ASIC2: variants seen among roughly 807,000 people sequenced by gnomAD.
ASIC2 encodes the protein acid sensing ion channel subunit 2, also known as acid-sensing ion channel 2.
In ASIC2, 25 loss-of-function variants were observed where a neutral mutation model predicts 57.3. The observed-to-expected ratio is 0.44, with a 90% CI of 0.32 to 0.61. The LOEUF (loss-of-function observed/expected upper bound fraction) is 0.61, where lower values mean the gene tolerates loss of function less well. Among genes scored for constraint, ASIC2 ranks in the 20% least tolerant of loss-of-function variants. The pLI, the probability that ASIC2 is intolerant of heterozygous loss-of-function variation, is 0.06. For synonymous variants in ASIC2, 319 were observed against 307.5 expected, an observed-to-expected ratio of 1.04 and a Z score of -0.39; for missense variants, 641 against 738.1, an observed-to-expected ratio of 0.87 and a Z score of 1.52.
At chr17:33,178,796 T>G (rs1905864212) in intron 1 of ASIC2, among the ~76,000 whole-genome samples, 1 of 152,198 alleles carries the variant, frequency 6.6e-6, no homozygotes, top group African/African-American at 2.4e-5. Context: ...GCTCTGTGTG[T>G]GCACTCATAC....
chr17:33,018,125 C>T (rs890885703), intron 7 of ASIC2, among the ~76,000 whole-genome samples: 26 of 152,280 alleles, frequency 1.7e-4, no homozygotes, highest in African/African-American at 3.8e-4. Context: ...TTCAGGGCCA[C>T]CTTAGGGCAC....
Position 33,844,990 on chromosome 17 carries a change from A to C in ASIC2, c.555+310988T>G, listed in dbSNP as rs113380164. On this transcript the variant is annotated intron_variant, in intron 1 of 9. Coordinates refer to the ASIC2 transcript ENST00000359872. Reference sequence around the variant, plus strand: ...CATGTAGCCAATGTACAGTGAGGCCATGATTCAGAACCACATACTTTGACT... The same window carrying C: ...CATGTAGCCAATGTACAGTGAGGCCCTGATTCAGAACCACATACTTTGACT... Among the ~76,000 whole-genome samples, 1,046 of 152,372 alleles carry C rather than the reference A, an allele frequency of 6.9e-3. 12 individuals are homozygous for C. Among genetic ancestry groups the C allele is most frequent in the Middle Eastern group, 0.034 (10 of 294 alleles).
At chr17:34,127,416 T>C (rs372984937) in intron 1 of ASIC2, among the ~76,000 whole-genome samples, 4 of 152,222 alleles carry the variant, frequency 2.6e-5, no homozygotes, top group African/African-American at 9.6e-5. Context: ...CTAGAATTTG[T>C]TCTGAGTCCG....
At chr17:33,555,648 T>C (rs1915885765) in intron 1 of ASIC2, among the ~76,000 whole-genome samples, 1 of 152,108 alleles carries the variant, frequency 6.6e-6, no homozygotes, top group African/African-American at 2.4e-5. Flanking sequence ...GTCATAAACC[T>C]ATGAAAGGAT....
intron 1 of ASIC2, among the ~76,000 whole-genome samples, chr17:33,162,080 C>A (rs7212519): frequency 0.26 from 39,381 of 151,816 alleles, 5,243 homozygotes; most frequent in East Asian, 0.4. Flanking sequence ...GACCACCTGA[C>A]GTGACTCTTT....
At chr17:34,082,622 C>T (rs891366217) in intron 1 of ASIC2, among the ~76,000 whole-genome samples, 1 of 152,196 alleles carries the variant, frequency 6.6e-6, no homozygotes, top group African/African-American at 2.4e-5. Flanking sequence ...TGTCCCCGCC[C>T]CCTGGCAACA....
chr17:33,554,358 A>ATG (rs71144888), intron 1 of ASIC2, among the ~76,000 whole-genome samples: 17,231 of 150,156 alleles, frequency 0.11, 1,078 homozygotes, highest in African/African-American at 0.16. Context: ...CACTGCTTAT[A>ATG]TGTGTGTGTG....
At chr17:34,134,903 C>T (rs1912086436) in intron 1 of ASIC2, among the ~76,000 whole-genome samples, 1 of 152,156 alleles carries the variant, frequency 6.6e-6, no homozygotes, top group Non-Finnish European at 1.5e-5. Flanking sequence ...TCCTTGGGCC[C>T]CTTCAGTTCA....
At chr17:33,787,771 G>A (rs192099086) in intron 1 of ASIC2, among the ~76,000 whole-genome samples, 302 of 152,274 alleles carry the variant, frequency 2.0e-3, no homozygotes, top group African/African-American at 6.3e-3. Context: ...GGGTCTGTGT[G>A]CCCATCCAAA....
At chr17:33,815,857 C>G (rs1404664364) in intron 1 of ASIC2, among the ~76,000 whole-genome samples, 1 of 152,058 alleles carries the variant, frequency 6.6e-6, no homozygotes, top group Non-Finnish European at 1.5e-5. Flanking sequence ...GGAAGTGATA[C>G]CGGTTATTTT....
chr17:33,295,347 A>G (rs151084827), upstream of ASIC2, among the ~76,000 whole-genome samples: 281 of 152,322 alleles, frequency 1.8e-3, 2 homozygotes, highest in Middle Eastern at 3.4e-3. Flanking sequence ...GACTCCAAGC[A>G]ATGATTGATG....
chr17:33,105,327 G>C (rs1597580005), intron 2 of ASIC2, among the ~76,000 whole-genome samples: 1 of 152,120 alleles, frequency 6.6e-6, no homozygotes, highest in South Asian at 2.1e-4. Context: ...TTTCATGAAG[G>C]GGAGTTCCCC....
chr17:33,480,014 C>T (rs898964898), intron 1 of ASIC2, among the ~76,000 whole-genome samples: 6 of 152,302 alleles, frequency 3.9e-5, no homozygotes, highest in African/African-American at 7.2e-5. Context: ...CAGAAATCTC[C>T]GGGTTCTAAA....
intron 1 of ASIC2, among the ~76,000 whole-genome samples, chr17:33,462,047 C>T (rs530504007): frequency 6.0e-4 from 91 of 152,238 alleles, no homozygotes; most frequent in African/African-American, 1.9e-3. Context: ...AGAGAGACCG[C>T]GTATTTCATG....
intron 1 of ASIC2, among the ~76,000 whole-genome samples, chr17:33,891,220 C>T (rs909921254): frequency 3.3e-5 from 5 of 152,160 alleles, no homozygotes; most frequent in Non-Finnish European, 7.4e-5. Flanking sequence ...GAAGTGGAGG[C>T]TACCCTGTGT....
chr17:34,134,400 C>T (rs1200936427), intron 1 of ASIC2, among the ~76,000 whole-genome samples: 2 of 152,180 alleles, frequency 1.3e-5, no homozygotes, highest in Non-Finnish European at 2.9e-5. Flanking sequence ...CACCTTTAAC[C>T]AAGTCCATCC....
At chr17:33,807,152 C>A (rs1912291251) in intron 1 of ASIC2, among the ~76,000 whole-genome samples, 1 of 152,186 alleles carries the variant, frequency 6.6e-6, no homozygotes, top group East Asian at 1.9e-4. Context: ...CTACAGGACA[C>A]CAGGCACCCC....
intron 1 of ASIC2, among the ~76,000 whole-genome samples, chr17:33,655,325 T>TCCAGTTTTCCCCA (rs1353031220): frequency 1.3e-5 from 2 of 152,226 alleles, no homozygotes; most frequent in Non-Finnish European, 2.9e-5. Flanking sequence ...CTGTTTCTCC[T>TCCAGTTTTCCCCA]CCAGTTTTCC....
chr17:33,211,106 A>G (rs1907251266), intron 1 of ASIC2, among the ~76,000 whole-genome samples: 1 of 81,188 alleles, frequency 1.2e-5, no homozygotes, highest in South Asian at 5.8e-4. Flanking sequence ...AACAAAGAGG[A>G]TTTTCAGTAG....
Sources: gnomAD v4.1 joint callset for allele counts (sites outside exome capture counted in the v4.1 genomes callset) on GRCh38, gnomAD v4.1.1 for gene constraint, MANE v1.5 for transcripts, NCBI Gene and HGNC (gene_info 2026-07-23, HGNC 2026-07-21) for gene names.